USP9X: variants seen among roughly 807,000 people sequenced by gnomAD.
USP9X encodes ubiquitin carboxyl-terminal hydrolase 9X.
USP9X carries 7 observed loss-of-function variants against 190.3 expected under a neutral mutation model. The observed-to-expected ratio is 0.04, with a 90% CI of 0.02 to 0.07. The LOEUF is 0.07. USP9X is among the 10% of genes least tolerant of loss of function. The pLI is 1.00. For synonymous variants in USP9X, 645 were observed against 659.5 expected, an observed-to-expected ratio of 0.98 and a Z score of 0.34; for missense variants, 1,010 against 1,916.9, an observed-to-expected ratio of 0.53 and a Z score of 8.83.
At position 41,153,459 on chromosome X, in the gene USP9X, C is replaced by T. The variant is rs757090463; in HGVS notation, c.1897+378C>T. 7.1e-5 allele frequency among the ~76,000 whole-genome samples: 8 copies of T among 111,967 alleles called. No individual in the cohort carries two copies. In the South Asian group the frequency reaches 2.6e-3, roughly 36 times the overall value. On this transcript the variant is annotated intron_variant, in intron 14 of 44. Coordinates refer to ENST00000378308, the MANE Select transcript of USP9X (RefSeq NM_001039591.3). ...TTACTTTATAGTTCTTTTATAATGC[C>T]AAGCCTATGTTTTGTAAGTGCTTCA...
chrX:41,222,971 A>G (rs1296042921), intron 38 of USP9X, among the ~76,000 whole-genome samples: 1 of 112,050 alleles, frequency 8.9e-6, no homozygotes, highest in Non-Finnish European at 1.9e-5. Flanking sequence ...TGTCATAGTC[A>G]TAGTCACTGT....
Position 41,234,051 on chromosome X carries a change from T to TG in USP9X, c.*1527_*1528insG, listed in dbSNP as rs1342706615. 1 of 109,190 alleles carries TG rather than the reference T, an allele frequency of 9.2e-6. No homozygotes were observed. Among genetic ancestry groups the TG allele is most frequent in the Non-Finnish European group, 1.9e-5 (1 of 52,436 alleles). The allele number at this position is 109,190 out of a possible 1,213,427, so 9.0% of individuals were successfully genotyped here. On this transcript the variant is annotated 3_prime_UTR_variant, in exon 45 of 45. Transcript: ENST00000378308. Reference sequence around the variant, plus strand: ...TTTGGTTACTTTTTTTGTCCTTTTTTTTTTTTTTTAAAAGAGGACTGCATA... The same window carrying TG: ...TTTGGTTACTTTTTTTGTCCTTTTTTGTTTTTTTTTAAAAGAGGACTGCATA...
intron 44 of USP9X, 142 bp downstream of exon 44, chrX:41,230,738 GGGAT>G (rs889858056): frequency 2.0e-6 from 1 of 501,366 alleles, no homozygotes; most frequent in Non-Finnish European, 3.2e-6. Flanking sequence ...ATCCAGAAGA[GGGAT>G]GGTTTGGAGT....
At chrX:41,134,599 C>A in intron 4 of USP9X, 126 bp from the exon 5 acceptor site, 1 of 487,769 alleles carries the variant, frequency 2.1e-6, no homozygotes. Context: ...TACTTTTATG[C>A]AATTAAATAT....
intron 32 of USP9X, 116 bp from the exon 33 acceptor site, chrX:41,210,393 G>A (rs1229704758): frequency 2.9e-5 from 21 of 732,013 alleles, no homozygotes; most frequent in Middle Eastern, 4.6e-4. Flanking sequence ...ATAAAATCTC[G>A]GTTTTATATA....
Position 41,205,287 on chromosome X carries a change from A to AT in USP9X, c.4825-10dup. The AT allele has an allele frequency of 8.7e-7, 1 of 1,147,181 alleles. No homozygotes were observed. The highest frequency in any genetic ancestry group is 1.2e-6 in the Non-Finnish European group (1 of 863,074). The allele number at this position is 1,147,181 out of a possible 1,213,427, so 94.5% of individuals were successfully genotyped here. A position where few individuals can be genotyped will look rare whatever the true frequency, so the allele number is the denominator to read the frequency against. On this transcript the variant is annotated splice_polypyrimidine_tract_variant and intron_variant, in intron 31 of 44. Transcript: ENST00000378308. Reference sequence around the variant, plus strand: ...TATTATACTTTAGCTCATTGGTGACATTTTTTGGTTTCTAGAGCAATGTTG... The same window carrying AT: ...TATTATACTTTAGCTCATTGGTGACATTTTTTTGGTTTCTAGAGCAATGTTG...
chrX:41,221,700 A>T (rs1165868170), intron 38 of USP9X, among the ~76,000 whole-genome samples: 1 of 111,455 alleles, frequency 9.0e-6, no homozygotes, highest in Non-Finnish European at 1.9e-5. Flanking sequence ...GAGGCATTGG[A>T]TGAGCCATTG....
chrX:41,119,899 T>A (rs915455427), intron 1 of USP9X, among the ~76,000 whole-genome samples: 4 of 112,735 alleles, frequency 3.5e-5, no homozygotes, highest in African/African-American at 6.4e-5. Flanking sequence ...GATATGCAAG[T>A]TTCTCAAGGT....
intron 34 of USP9X, 64 bp from the exon 35 acceptor site, chrX:41,215,835 G>GT (rs2063207054): frequency 9.8e-6 from 10 of 1,019,426 alleles, no homozygotes; most frequent in Admixed American, 9.7e-5. Context: ...GTTTGCTTGG[G>GT]GTTTTTTTTT....
At chrX:41,211,814 A>G (rs1410201039) in intron 33 of USP9X, among the ~76,000 whole-genome samples, 1 of 103,863 alleles carries the variant, frequency 9.6e-6, no homozygotes, top group African/African-American at 3.6e-5. Flanking sequence ...CTGCCCGGAC[A>G]GCCGCCCCGT....
intron 31 of USP9X, among the ~76,000 whole-genome samples, chrX:41,203,046 T>C (rs2063056905): frequency 1.8e-5 from 2 of 111,830 alleles, no homozygotes; most frequent in Admixed American, 1.9e-4. Context: ...ATCAGAGTTA[T>C]CAGATACAAC....
chrX:41,092,274 G>C (rs993854717), intron 1 of USP9X, among the ~76,000 whole-genome samples: 1 of 111,790 alleles, frequency 8.9e-6, no homozygotes, highest in African/African-American at 3.3e-5. Flanking sequence ...TTTTATTCCT[G>C]CTGACTTTGG....
chrX:41,218,672 A>C (rs1360623512), intron 37 of USP9X, 75 bp downstream of exon 37: 2 of 953,955 alleles, frequency 2.1e-6, no homozygotes, highest in Non-Finnish European at 3.0e-6. Flanking sequence ...CGAAGTCACA[A>C]GCATATGTGC....
intron 15 of USP9X, among the ~76,000 whole-genome samples, chrX:41,163,222 G>T (rs1043128594): frequency 9.0e-6 from 1 of 111,273 alleles, no homozygotes; most frequent in Non-Finnish European, 1.9e-5. Flanking sequence ...CTAAGGAAAC[G>T]GGGGCAAAAG....
In USP9X at chrX:41,224,866, C is replaced by T; in HGVS notation, c.6876C>T (p.Asp2292=). ...GTTATGTGAAGAAAATCATTGAAGACTGCAGTAATTCAGAGGAAACCGTCA... is the reference window on the plus strand; with the variant it reads ...GTTATGTGAAGAAAATCATTGAAGATTGCAGTAATTCAGAGGAAACCGTCA... ...RTSYVKKIIE[D]CSNSEETVKL... Residue 2292 remains aspartate (D), a synonymous_variant, in exon 40 of 45, where the codon GAC becomes GAT. Coordinates refer to ENST00000378308, the MANE Select transcript of USP9X (RefSeq NM_001039591.3). 1 of 1,211,854 alleles carries T rather than the reference C, an allele frequency of 8.3e-7. No homozygotes were observed. Among genetic ancestry groups the T allele is most frequent in the Non-Finnish European group, 1.1e-6 (1 of 895,503 alleles).
chrX:41,134,298 CAG>C (rs1222875957), intron 4 of USP9X, among the ~76,000 whole-genome samples: 4 of 112,118 alleles, frequency 3.6e-5, no homozygotes, highest in South Asian at 3.7e-4. Flanking sequence ...TATAAAGAAA[CAG>C]AGACACTGAG....
At chrX:41,221,924 T>C (rs2063267168) in intron 38 of USP9X, among the ~76,000 whole-genome samples, 1 of 111,018 alleles carries the variant, frequency 9.0e-6, no homozygotes, top group African/African-American at 3.3e-5. Flanking sequence ...GATTTGGTGA[T>C]GGGATATTCA....
chrX:41,151,480 A>G (rs1235344607), intron 13 of USP9X, among the ~76,000 whole-genome samples: 1 of 112,086 alleles, frequency 8.9e-6, no homozygotes, highest in Non-Finnish European at 1.9e-5. Context: ...AGCTGTCTTT[A>G]TACTATCTTA....
chrX:41,169,924 A>C, intron 18 of USP9X, 71 bp from the exon 19 acceptor site: 2 of 1,155,202 alleles, frequency 1.7e-6, no homozygotes, highest in Non-Finnish European at 2.3e-6. Context: ...AATCCCCAGC[A>C]TTATTTTCTT....
Sources: allele counts gnomAD v4.1 joint callset (sites outside exome capture counted in the v4.1 genomes callset), GRCh38; gene constraint gnomAD v4.1.1; transcripts MANE v1.5; gene names NCBI Gene and HGNC (gene_info 2026-07-23, HGNC 2026-07-21).